The following ZNF804B variants were observed in gnomAD, a reference collection of about 807,000 sequenced individuals.
The protein encoded by ZNF804B is zinc finger 804B.
In ZNF804B, 80 loss-of-function variants were observed where a neutral mutation model predicts 101.4. The ratio of observed to expected loss-of-function variants is 0.79; its 90% CI spans 0.66 to 0.95. The LOEUF is 0.95. Among genes scored for constraint, ZNF804B ranks in the 40% least tolerant of loss-of-function variants. ZNF804B has a pLI of 0.00. For synonymous variants in ZNF804B, 622 were observed against 558.8 expected (o/e 1.11, Z -1.59); for missense variants, 1,673 against 1,561.9 (o/e 1.07, Z -1.20).
intron 1 of ZNF804B, among the ~76,000 whole-genome samples, chr7:88,964,805 A>T (rs1043852126): frequency 6.6e-5 from 10 of 151,464 alleles, no homozygotes; most frequent in African/African-American, 2.4e-4. Flanking sequence ...GGAGCAAAAC[A>T]GGCTCTTAGA....
At chr7:88,924,290 A>T (rs1792763843) in intron 1 of ZNF804B, among the ~76,000 whole-genome samples, 2 of 151,782 alleles carry the variant, frequency 1.3e-5, no homozygotes, top group African/African-American at 4.8e-5. Flanking sequence ...TATCATATCT[A>T]ATTATTATTT....
chr7:89,104,725 C>A (rs118045766), intron 1 of ZNF804B, among the ~76,000 whole-genome samples: 2 of 151,660 alleles, frequency 1.3e-5, no homozygotes, highest in East Asian at 1.9e-4. Flanking sequence ...GGGATGAGTC[C>A]TTTGATTCTC....
At chr7:89,090,328 T>A (rs919933954) in intron 1 of ZNF804B, among the ~76,000 whole-genome samples, 4 of 151,936 alleles carry the variant, frequency 2.6e-5, no homozygotes, top group Non-Finnish European at 4.4e-5. Context: ...AATATGAAAA[T>A]TTTTTAAAAT....
At chr7:89,232,269 T>C (rs1055422128) in intron 2 of ZNF804B, among the ~76,000 whole-genome samples, 1 of 152,200 alleles carries the variant, frequency 6.6e-6, no homozygotes, top group African/African-American at 2.4e-5. Context: ...CTTGCATTTC[T>C]GGAGTAAATC....
At chr7:88,954,437 A>G (rs1020131124) in intron 1 of ZNF804B, among the ~76,000 whole-genome samples, 1 of 151,762 alleles carries the variant, frequency 6.6e-6, no homozygotes, top group African/African-American at 2.4e-5. Context: ...TTTAATGAAT[A>G]GAATCCTTTA....
intron 2 of ZNF804B, among the ~76,000 whole-genome samples, chr7:89,236,859 G>A (rs1219624847): frequency 6.6e-6 from 1 of 151,884 alleles, no homozygotes; most frequent in African/African-American, 2.4e-5. Context: ...TTAGACTATT[G>A]TTTTCTAATT....
At chr7:88,914,516 CGT>C (rs1792604183) in intron 1 of ZNF804B, among the ~76,000 whole-genome samples, 1 of 151,558 alleles carries the variant, frequency 6.6e-6, no homozygotes, top group Non-Finnish European at 1.5e-5. Flanking sequence ...CATTCCCTCG[CGT>C]ATTTTAGCAA....
intron 1 of ZNF804B, among the ~76,000 whole-genome samples, chr7:89,152,051 C>T (rs577168647): frequency 1.3e-5 from 2 of 152,194 alleles, no homozygotes; most frequent in East Asian, 3.9e-4. Flanking sequence ...ATAGAACTAG[C>T]AGAACTATCA....
intron 1 of ZNF804B, among the ~76,000 whole-genome samples, chr7:89,159,639 T>C (rs1791029165): frequency 6.6e-6 from 1 of 152,174 alleles, no homozygotes. Context: ...CATCTGATAA[T>C]AGTTCATCAA....
At chr7:88,969,351 A>G (rs1265089372) in intron 1 of ZNF804B, among the ~76,000 whole-genome samples, 3 of 151,618 alleles carry the variant, frequency 2.0e-5, no homozygotes, top group African/African-American at 7.3e-5. Flanking sequence ...GCCTTGTATA[A>G]GAAATTGATG....
At chr7:88,862,780 T>C (rs1791669088) in intron 1 of ZNF804B, among the ~76,000 whole-genome samples, 1 of 151,858 alleles carries the variant, frequency 6.6e-6, no homozygotes. Flanking sequence ...TTCATCGATG[T>C]TTACGCTGTC....
intron 2 of ZNF804B, among the ~76,000 whole-genome samples, chr7:89,324,570 T>G (rs1301534124): frequency 6.6e-6 from 1 of 150,422 alleles, no homozygotes; most frequent in Admixed American, 6.6e-5. Context: ...TATCTTGTTA[T>G]TTATTTTATA....
At chr7:88,847,598 G>A (rs907789134) in intron 1 of ZNF804B, among the ~76,000 whole-genome samples, 1 of 152,066 alleles carries the variant, frequency 6.6e-6, no homozygotes, top group Non-Finnish European at 1.5e-5. Context: ...CTAAATGTGG[G>A]GGTACAGGGA....
At chr7:88,822,821 CAG>C (rs1791002043) in intron 1 of ZNF804B, among the ~76,000 whole-genome samples, 1 of 152,006 alleles carries the variant, frequency 6.6e-6, no homozygotes. Context: ...ATTATTTTGA[CAG>C]AGTCCTCTAA....
chr7:89,334,440 G>C lies in ZNF804B; in HGVS notation c.1458G>C (p.Arg486=). The C allele has an allele frequency of 1.2e-6, 2 of 1,613,552 alleles. No individual in the cohort carries two copies. Among genetic ancestry groups the C allele is most frequent in the South Asian group, 1.1e-5 (1 of 91,072 alleles). The change falls in exon 4 of 4, where the codon CGG becomes CGC. Residue 486 remains arginine (R), a synonymous_variant. Coordinates refer to ENST00000333190, the MANE Select transcript of ZNF804B (RefSeq NM_181646.5). ...NPLYFDFKLS[R]NTKEDHNLED... ...TGTATTTTGATTTTAAGCTTTCTCG[G>C]AACACAAAGGAAGACCACAATCTAG...
At chr7:88,991,601 C>A (rs942453215) in intron 1 of ZNF804B, among the ~76,000 whole-genome samples, 3 of 152,172 alleles carry the variant, frequency 2.0e-5, no homozygotes, top group African/African-American at 7.2e-5. Context: ...TGAGAATGAA[C>A]AATGGCTCAA....
Position 89,171,337 on chromosome 7 carries a change from CTTCTTCTTCTTCTTCTTCT to C in ZNF804B, c.109-46816_109-46798del, listed in dbSNP as rs1562904494. On this transcript the variant is annotated intron_variant, in intron 1 of 3. Transcript: ENST00000333190. Reference sequence around the variant, plus strand: ...TCTTCTTCTTCTTCTTCTTCTTCTTCTTCTTCTTCTTCTTCTTCTTCCTCCTCTTCCTCTTCTTCCTCTT... The same window carrying C: ...TCTTCTTCTTCTTCTTCTTCTTCTTCTCCTCCTCTTCCTCTTCTTCCTCTT... Among the ~76,000 whole-genome samples, 184 of 131,398 alleles carry C rather than the reference CTTCTTCTTCTTCTTCTTCT, an allele frequency of 1.4e-3. 6 individuals are homozygous for C. Among genetic ancestry groups the C allele is most frequent in the African/African-American group, 5.0e-3 (178 of 35,462 alleles). 86.2% of individuals were successfully genotyped at this position (131,398 alleles called of 152,430 possible).
At position 89,206,307 on chromosome 7, in the gene ZNF804B, G is replaced by A. The variant is rs180924688; in HGVS notation, c.109-11848G>A. On this transcript the variant is annotated intron_variant, in intron 1 of 3. Coordinates refer to ENST00000333190, the MANE Select transcript of ZNF804B (RefSeq NM_181646.5). ...TAACATTTTGCATCTCATTACTTAT[G>A]CAAATTTCTGCAGCCAGCTTGAATT... Among the ~76,000 whole-genome samples, 21 of 152,318 alleles carry A rather than the reference G, an allele frequency of 1.4e-4. No homozygotes were observed. The East Asian group carries it at 3.7e-3, about 27-fold the overall frequency.
chr7:89,290,702 G>T (rs774173724), intron 2 of ZNF804B, among the ~76,000 whole-genome samples: 1 of 152,128 alleles, frequency 6.6e-6, no homozygotes, highest in Non-Finnish European at 1.5e-5. Flanking sequence ...TGCCAGCTCA[G>T]CCACGGTACA....
Sources: gnomAD v4.1 joint callset for allele counts (sites outside exome capture counted in the v4.1 genomes callset) on GRCh38, gnomAD v4.1.1 for gene constraint, MANE v1.5 for transcripts, NCBI Gene and HGNC (gene_info 2026-07-23, HGNC 2026-07-21) for gene names.